Variants in GRM5 observed in about 807,000 individuals in gnomAD.
GRM5 encodes glutamate metabotropic receptor 5.
A neutral mutation model predicts 83.1 loss-of-function variants in GRM5; 19 were observed. The ratio of observed to expected loss-of-function variants is 0.23; its 90% CI spans 0.16 to 0.34. The LOEUF is 0.34. Among genes scored for constraint, GRM5 ranks in the 10% least tolerant of loss-of-function variants. The pLI is 1.00. For synonymous variants in GRM5, 675 were observed against 633.6 expected (o/e 1.07, Z -0.98); for missense variants, 1,160 against 1,588.3 (o/e 0.73, Z 4.58).
At chr11:88,682,978 T>C (rs1326452682) in intron 3 of GRM5, among the ~76,000 whole-genome samples, 1 of 152,106 alleles carries the variant, frequency 6.6e-6, no homozygotes, top group East Asian at 1.9e-4. Flanking sequence ...AGGCAACCAT[T>C]TCATATTAAA....
chr11:88,608,613 G>A (rs1938233234), intron 4 of GRM5, among the ~76,000 whole-genome samples: 1 of 148,250 alleles, frequency 6.7e-6, no homozygotes, highest in South Asian at 2.1e-4. Flanking sequence ...CCATCTCCTG[G>A]GTTCACACTG....
intron 9 of GRM5, among the ~76,000 whole-genome samples, chr11:88,513,150 C>T (rs1019010659): frequency 6.6e-6 from 1 of 151,970 alleles, no homozygotes; most frequent in South Asian, 2.1e-4. Context: ...CTTTCCTGAC[C>T]CTGCTAGGCT....
chr11:89,061,192 G>A (rs566795779), intron 1 of GRM5, among the ~76,000 whole-genome samples: 30 of 152,076 alleles, frequency 2.0e-4, no homozygotes, highest in African/African-American at 5.5e-4. Flanking sequence ...TCACATGTAC[G>A]TATACATAAT....
At position 88,838,179 on chromosome 11, in the gene GRM5, AGG is replaced by A. The variant is rs1944128909; in HGVS notation, c.911+11725_911+11726del. ...TTAGGTTAATATTACTCACTTCAGA[AGG>A]GACTTGTGAGAAATAAAAGAAATAT... On this transcript the variant is annotated intron_variant, in intron 3 of 9. Transcript: ENST00000305447. Among the ~76,000 whole-genome samples, 3 of 151,420 alleles carry A rather than the reference AGG, an allele frequency of 2.0e-5. No homozygotes were observed. In the South Asian group the frequency reaches 6.3e-4, roughly 32 times the overall value.
chr11:88,925,771 G>A (rs1215786533), intron 2 of GRM5: 3 of 453,078 alleles, frequency 6.6e-6, no homozygotes, highest in African/African-American at 6.0e-5. Context: ...AATTACCTGG[G>A]TGTGGTACAT....
At chr11:88,736,966 A>G (rs1422537389) in intron 3 of GRM5, among the ~76,000 whole-genome samples, 8 of 152,082 alleles carry the variant, frequency 5.3e-5, no homozygotes, top group Non-Finnish European at 1.2e-4. Context: ...TTCATCTAGG[A>G]AATACATGCA....
intron 7 of GRM5, among the ~76,000 whole-genome samples, chr11:88,575,289 T>C (rs1943086680): frequency 6.6e-6 from 1 of 152,160 alleles, no homozygotes; most frequent in South Asian, 2.1e-4. Flanking sequence ...TATGTAATCA[T>C]CATAATAAAA....
intron 4 of GRM5, among the ~76,000 whole-genome samples, chr11:88,627,479 G>A (rs1367516845): frequency 6.6e-6 from 1 of 151,992 alleles, no homozygotes; most frequent in Non-Finnish European, 1.5e-5. Context: ...TAGTAATTTT[G>A]CACCAGGGAT....
At chr11:88,898,286 T>C (rs1448876870) in intron 2 of GRM5, among the ~76,000 whole-genome samples, 1 of 151,876 alleles carries the variant, frequency 6.6e-6, no homozygotes, top group Non-Finnish European at 1.5e-5. Flanking sequence ...ATAATAATAA[T>C]TAATAATAAT....
At chr11:89,014,141 T>C (rs528197720) in intron 2 of GRM5, among the ~76,000 whole-genome samples, 1 of 152,234 alleles carries the variant, frequency 6.6e-6, no homozygotes, top group East Asian at 1.9e-4. Flanking sequence ...TGTGCATGTG[T>C]CAAATACACA....
chr11:88,906,474 A>G (rs1040627641), intron 2 of GRM5, among the ~76,000 whole-genome samples: 9 of 152,304 alleles, frequency 5.9e-5, no homozygotes, highest in Non-Finnish European at 1.2e-4. Context: ...TGGGAGAAAA[A>G]AAAAAGTTCA....
At chr11:88,901,029 G>C (rs504183) in intron 2 of GRM5, among the ~76,000 whole-genome samples, 1 of 151,870 alleles carries the variant, frequency 6.6e-6, no homozygotes, top group African/African-American at 2.4e-5. Context: ...ATAGTAAACA[G>C]AGGCTTAAAA....
At chr11:88,899,782 G>C (rs1590949398) in intron 2 of GRM5, among the ~76,000 whole-genome samples, 1 of 151,908 alleles carries the variant, frequency 6.6e-6, no homozygotes, top group Admixed American at 6.6e-5. Context: ...CTGAATAACT[G>C]CCTTATTTCC....
intron 3 of GRM5, among the ~76,000 whole-genome samples, chr11:88,821,244 G>C (rs777988880): frequency 2.4e-4 from 37 of 151,144 alleles, no homozygotes; most frequent in Admixed American, 5.3e-4. Flanking sequence ...AGAGAATTTG[G>C]GCTTATTCCA....
At chr11:88,946,659 A>T (rs555087615) in intron 2 of GRM5, among the ~76,000 whole-genome samples, 1 of 152,156 alleles carries the variant, frequency 6.6e-6, no homozygotes, top group Non-Finnish European at 1.5e-5. Flanking sequence ...ACAGAGGACT[A>T]CTAGAGTAGG....
chr11:89,044,025 C>T (rs1284876055), intron 2 of GRM5, among the ~76,000 whole-genome samples: 1 of 152,112 alleles, frequency 6.6e-6, no homozygotes, highest in African/African-American at 2.4e-5. Context: ...TACAGAAGCA[C>T]CATTAGTAGA....
At chr11:88,985,461 T>G (rs1939673631) in intron 2 of GRM5, among the ~76,000 whole-genome samples, 2 of 152,140 alleles carry the variant, frequency 1.3e-5, no homozygotes, top group African/African-American at 4.8e-5. Context: ...GGATCACAGT[T>G]GAGCTTACCC....
At chr11:88,797,962 T>C (rs1429068900) in intron 3 of GRM5, among the ~76,000 whole-genome samples, 2 of 152,114 alleles carry the variant, frequency 1.3e-5, no homozygotes, top group Non-Finnish European at 2.9e-5. Context: ...TCATGACACA[T>C]GGTAAAATAC....
chr11:88,598,627 A>G (rs1372556960), intron 5 of GRM5, among the ~76,000 whole-genome samples: 2 of 152,080 alleles, frequency 1.3e-5, no homozygotes, highest in African/African-American at 2.4e-5. Context: ...TGTGCATGCA[A>G]TGAGTTGAGA....
Sources: allele counts gnomAD v4.1 joint callset (sites outside exome capture counted in the v4.1 genomes callset), GRCh38; gene constraint gnomAD v4.1.1; transcripts MANE v1.5; gene names NCBI Gene and HGNC (gene_info 2026-07-23, HGNC 2026-07-21).